Variants in CSTPP1 observed in about 807,000 individuals in gnomAD.
The protein encoded by CSTPP1 is UPF0705 protein C11orf49.
the CSTPP1 span, chr11:47,137,583 A>C: frequency 9.9e-6 from 16 of 1,612,234 alleles, no homozygotes; most frequent in Admixed American, 8.3e-5. Context: ...TGAAATGAAC[A>C]AAAAGAGGGC....
At chr11:47,157,210 C>G in the CSTPP1 span, 1 of 1,583,368 alleles carries the variant, frequency 6.3e-7, no homozygotes, top group African/African-American at 1.3e-5. Flanking sequence ...GTGATCGGCA[C>G]AAGTACAGGT....
chr11:46,963,033 A>AT, the CSTPP1 span, among the ~76,000 whole-genome samples: 1 of 152,132 alleles, frequency 6.6e-6, no homozygotes. Flanking sequence ...ATTTCTTAGG[A>AT]TTTTTTATAC....
At chr11:47,034,599 CGAGT>C in the CSTPP1 span, among the ~76,000 whole-genome samples, 3 of 151,508 alleles carry the variant, frequency 2.0e-5, no homozygotes, top group Non-Finnish European at 4.4e-5. Flanking sequence ...TTCCTGTGCT[CGAGT>C]GAGTTTCATG....
At chr11:46,998,797 G>A in the CSTPP1 span, among the ~76,000 whole-genome samples, 1 of 151,916 alleles carries the variant, frequency 6.6e-6, no homozygotes, top group Non-Finnish European at 1.5e-5. Context: ...GTGCAGTGGC[G>A]CGATCTCGGC....
the CSTPP1 span, among the ~76,000 whole-genome samples, chr11:47,039,613 C>G: frequency 1.7e-3 from 218 of 127,502 alleles, 20 homozygotes; most frequent in African/African-American, 4.8e-3. Context: ...CTTAGACAAG[C>G]GGATCACGAG....
the CSTPP1 span, among the ~76,000 whole-genome samples, chr11:46,982,397 A>G: frequency 1.3e-5 from 2 of 151,850 alleles, no homozygotes; most frequent in Non-Finnish European, 2.9e-5. Context: ...TCATATGAAG[A>G]TTTTTTCCAG....
the CSTPP1 span, chr11:47,154,863 C>T: frequency 9.0e-5 from 42 of 467,710 alleles, no homozygotes; most frequent in Non-Finnish European, 1.5e-4. Context: ...ACCCTCTCCT[C>T]GCCACCCCCT....
At chr11:47,027,497 A>G in the CSTPP1 span, among the ~76,000 whole-genome samples, 1 of 152,158 alleles carries the variant, frequency 6.6e-6, no homozygotes, top group South Asian at 2.1e-4. Context: ...CCAGTGCTCT[A>G]TTTCACGGCT....
the CSTPP1 span, among the ~76,000 whole-genome samples, chr11:47,118,963 G>A: frequency 6.6e-6 from 1 of 152,260 alleles, no homozygotes. Flanking sequence ...CTCAAACGCT[G>A]TGCTGGGAGA....
the CSTPP1 span, among the ~76,000 whole-genome samples, chr11:47,013,042 GTTA>G: frequency 3.0e-4 from 44 of 145,484 alleles, no homozygotes; most frequent in Middle Eastern, 3.6e-3. Context: ...ATAATAATAT[GTTA>G]TTATATAAAT....
chr11:47,147,913 TATC>T, the CSTPP1 span, among the ~76,000 whole-genome samples: 3 of 152,134 alleles, frequency 2.0e-5, no homozygotes, highest in Non-Finnish European at 2.9e-5. Context: ...TCACTATTAT[TATC>T]ATCATCATCA....
At chr11:46,981,804 A>G in the CSTPP1 span, among the ~76,000 whole-genome samples, 1 of 152,084 alleles carries the variant, frequency 6.6e-6, no homozygotes, top group Admixed American at 6.6e-5. Flanking sequence ...TAAGAATTAC[A>G]TGTGCTAGAT....
the CSTPP1 span, among the ~76,000 whole-genome samples, chr11:47,149,020 G>A: frequency 6.6e-6 from 1 of 152,196 alleles, no homozygotes. Context: ...GGCACCCTTA[G>A]AACTCCCAGC....
chr11:47,131,041 A>G, the CSTPP1 span, among the ~76,000 whole-genome samples: 1 of 152,198 alleles, frequency 6.6e-6, no homozygotes, highest in Non-Finnish European at 1.5e-5. Context: ...CTTGTCCAGC[A>G]CTAGCTCACT....
At chr11:47,154,214 G>T in the CSTPP1 span, among the ~76,000 whole-genome samples, 1 of 152,094 alleles carries the variant, frequency 6.6e-6, no homozygotes, top group African/African-American at 2.4e-5. Context: ...TGGGATTACA[G>T]GCATGAGCCA....
the CSTPP1 span, among the ~76,000 whole-genome samples, chr11:47,039,528 C>T: frequency 7.9e-6 from 1 of 126,214 alleles, no homozygotes; most frequent in African/African-American, 2.5e-5. Context: ...TATAGCCACA[C>T]GAACAGATAA....
At chr11:47,138,380 T>C in the CSTPP1 span, among the ~76,000 whole-genome samples, 4 of 151,972 alleles carry the variant, frequency 2.6e-5, no homozygotes, top group Non-Finnish European at 4.4e-5. Flanking sequence ...ACAATTCGGG[T>C]TGAGATTTAG....
chr11:46,967,722 AT>A, the CSTPP1 span, among the ~76,000 whole-genome samples: 1 of 151,734 alleles, frequency 6.6e-6, no homozygotes, highest in Non-Finnish European at 1.5e-5. Flanking sequence ...AATTTTGGGT[AT>A]ATTTAATGAG....
At chr11:47,018,568 C>T in the CSTPP1 span, among the ~76,000 whole-genome samples, 1 of 152,142 alleles carries the variant, frequency 6.6e-6, no homozygotes, top group African/African-American at 2.4e-5. Flanking sequence ...GCTGGGATTA[C>T]AGGCATGAGC....
Sources: gnomAD v4.1 joint callset for allele counts (sites outside exome capture counted in the v4.1 genomes callset) on GRCh38, gnomAD v4.1.1 for gene constraint, MANE v1.5 for transcripts, NCBI Gene and HGNC (gene_info 2026-07-23, HGNC 2026-07-21) for gene names.